The following ANK2 variants were observed in gnomAD, a reference collection of about 807,000 sequenced individuals.
ANK2 encodes ankyrin 2, also known as ankyrin-2.
In ANK2, 83 loss-of-function variants were observed where a neutral mutation model predicts 360.5. That is an observed-to-expected ratio of 0.23 (90% CI 0.19 to 0.28). The LOEUF (loss-of-function observed/expected upper bound fraction) is 0.28. ANK2 is among the 10% of genes least tolerant of loss of function. ANK2 has a pLI of 1.00. For missense variants in ANK2, 4,201 were observed against 4,795.7 expected, an observed-to-expected ratio of 0.88 and a Z score of 3.66; for synonymous variants, 1,740 against 1,759.5, an observed-to-expected ratio of 0.99 and a Z score of 0.28.
chr4:113,067,821 A>G (rs1292890685), intron 1 of ANK2, among the ~76,000 whole-genome samples: 4 of 152,222 alleles, frequency 2.6e-5, no homozygotes, highest in Non-Finnish European at 4.4e-5. Context: ...TGTGGCCCCA[A>G]GCATGAGTCT....
At chr4:113,380,296 G>A (rs1589475762) in intron 45 of ANK2, among the ~76,000 whole-genome samples, 1 of 152,024 alleles carries the variant, frequency 6.6e-6, no homozygotes, top group Non-Finnish European at 1.5e-5. Context: ...AATTGAGAAT[G>A]AGCAAATTAC....
intron 2 of ANK2, among the ~76,000 whole-genome samples, chr4:112,968,727 G>A (rs1468620296): frequency 2.0e-5 from 3 of 151,978 alleles, no homozygotes. Context: ...TTCTATATAG[G>A]GACACAATTC....
chr4:113,292,295 C>T, intron 20 of ANK2, 121 bp from the exon 21 acceptor site: 1 of 912,812 alleles, frequency 1.1e-6, no homozygotes, highest in South Asian at 1.4e-5. Context: ...TCATCTTGGG[C>T]TCCAAATAAA....
At chr4:113,227,837 A>G (rs1218748395) in intron 4 of ANK2, among the ~76,000 whole-genome samples, 1 of 152,218 alleles carries the variant, frequency 6.6e-6, no homozygotes, top group African/African-American at 2.4e-5. Context: ...AGTATTAGAT[A>G]TAGTATTAGG....
chr4:113,237,189 A>G lies in ANK2; in HGVS notation c.669+17A>G, dbSNP rs1357253524. Reference sequence around the variant, plus strand: ...CAATCCAAGGTACTTAAAGCTGAACACATTTGTGGAAAGGAACTCTTTGGC... The same window carrying G: ...CAATCCAAGGTACTTAAAGCTGAACGCATTTGTGGAAAGGAACTCTTTGGC... On this transcript the variant is annotated intron_variant, in intron 6 of 45. Coordinates refer to ENST00000357077, the MANE Select transcript of ANK2 (RefSeq NM_001148.6). 1 of 1,610,860 alleles carries G rather than the reference A, an allele frequency of 6.2e-7. No homozygotes were observed. The highest frequency in any genetic ancestry group is 1.1e-5 in the South Asian group (1 of 91,010).
At chr4:113,159,724 C>T (rs1304681510) in intron 1 of ANK2, among the ~76,000 whole-genome samples, 1 of 151,842 alleles carries the variant, frequency 6.6e-6, no homozygotes, top group African/African-American at 2.4e-5. Flanking sequence ...TCTCTTGCTT[C>T]AGCCTACTGA....
chr4:113,025,196 A>C (rs1579325920), intron 2 of ANK2, among the ~76,000 whole-genome samples: 2 of 152,086 alleles, frequency 1.3e-5, no homozygotes, highest in African/African-American at 2.4e-5. Flanking sequence ...GCAGTGTTCT[A>C]TCTATAGACA....
chr4:112,871,255 G>C (rs1413205200), intron 1 of ANK2, among the ~76,000 whole-genome samples: 1 of 151,412 alleles, frequency 6.6e-6, no homozygotes, highest in South Asian at 2.1e-4. Flanking sequence ...GCACCATCTC[G>C]TCTCACTGCA....
chr4:113,258,378 G>A lies in ANK2; in HGVS notation c.1353G>A (p.Leu451=), dbSNP rs1345486577. The A allele has an allele frequency of 1.2e-6, 2 of 1,614,158 alleles. No homozygotes were observed. Among genetic ancestry groups the A allele is most frequent in the East Asian group, 2.2e-5 (1 of 44,874 alleles). The change falls in exon 13 of 46, where the codon CTG becomes CTA. Residue 451 remains leucine (L), a synonymous_variant. Transcript: ENST00000357077. The part of the protein sequence containing the change: ...MGHLNIVLLL[L]QNGASPDVTN... ...ACTTGAACATTGTCCTCCTTCTGCT[G>A]CAGAACGGAGCCTCTCCAGATGTCA...
At chr4:113,225,552 G>T (rs1056097816) in intron 4 of ANK2, among the ~76,000 whole-genome samples, 8 of 152,102 alleles carry the variant, frequency 5.3e-5, no homozygotes, top group Non-Finnish European at 8.8e-5. Context: ...GAAAATAAAG[G>T]CTGAAAAGTT....
At position 113,152,065 on chromosome 4, in the gene ANK2, C is replaced by CAAA. The variant is rs1232657248; in HGVS notation, c.85-22340_85-22338dup. ...TGGGTGACAGAGCAAGTCTCTGTCT[C>CAAA]AAAAAAAAAAAAAGAAAAAAAAAAA... On this transcript the variant is annotated intron_variant, in intron 1 of 45. Coordinates refer to ENST00000357077, the MANE Select transcript of ANK2 (RefSeq NM_001148.6). 5.6e-3 allele frequency among the ~76,000 whole-genome samples: 347 copies of CAAA among 61,772 alleles called. 1 individual carries two copies. The highest frequency in any genetic ancestry group is 0.015 in the East Asian group (12 of 826). 40.5% of individuals were successfully genotyped at this position (61,772 alleles called of 152,430 possible).
At chr4:112,931,437 T>C (rs370116560) in intron 2 of ANK2, among the ~76,000 whole-genome samples, 12 of 140,854 alleles carry the variant, frequency 8.5e-5, no homozygotes, top group South Asian at 2.4e-4. Flanking sequence ...TCTTTTCTTT[T>C]TTTTTTTTTT....
At chr4:113,019,026 T>A (rs1410374114) in intron 2 of ANK2, among the ~76,000 whole-genome samples, 1 of 152,194 alleles carries the variant, frequency 6.6e-6, no homozygotes, top group Non-Finnish European at 1.5e-5. Flanking sequence ...ACTTCCTTTT[T>A]GAGCATTTAT....
intron 1 of ANK2, among the ~76,000 whole-genome samples, chr4:112,895,950 A>G (rs1237216519): frequency 6.6e-6 from 1 of 152,184 alleles, no homozygotes; most frequent in Non-Finnish European, 1.5e-5. Flanking sequence ...TGGCCTCTAC[A>G]TTGCCCCAAT....
At chr4:113,274,371 T>C in intron 14 of ANK2, 81 bp from the exon 15 acceptor site, 1 of 1,444,998 alleles carries the variant, frequency 6.9e-7, no homozygotes, top group Non-Finnish European at 9.7e-7. Flanking sequence ...CAAGAAGACA[T>C]CATGAAATAT....
chr4:112,808,199 G>A, the ANK2 span, among the ~76,000 whole-genome samples: 3 of 152,206 alleles, frequency 2.0e-5, no homozygotes, highest in Non-Finnish European at 4.4e-5. Flanking sequence ...CCACTTCTTT[G>A]TGATTCTCAG....
At chr4:113,262,433 T>C (rs2053479795) in intron 13 of ANK2, among the ~76,000 whole-genome samples, 1 of 152,066 alleles carries the variant, frequency 6.6e-6, no homozygotes, top group South Asian at 2.1e-4. Context: ...TCTTGCTATG[T>C]CTCCCACCCT....
intron 1 of ANK2, among the ~76,000 whole-genome samples, chr4:112,833,012 C>A (rs745789977): frequency 3.9e-5 from 6 of 152,138 alleles, no homozygotes; most frequent in African/African-American, 4.8e-5. Flanking sequence ...GTTGGAAGGA[C>A]AGAAAGTGAT....
chr4:113,256,609 A>G (rs1026478375), intron 11 of ANK2, among the ~76,000 whole-genome samples: 4 of 152,216 alleles, frequency 2.6e-5, no homozygotes, highest in African/African-American at 9.6e-5. Context: ...AACAATAATC[A>G]TTGGAAGTAT....
Sources: allele counts gnomAD v4.1 joint callset (sites outside exome capture counted in the v4.1 genomes callset), GRCh38; gene constraint gnomAD v4.1.1; transcripts MANE v1.5; gene names NCBI Gene and HGNC (gene_info 2026-07-23, HGNC 2026-07-21).